ZDHHC21: variants seen among roughly 807,000 people sequenced by gnomAD.
ZDHHC21 encodes palmitoyltransferase ZDHHC21.
A neutral mutation model predicts 34.6 loss-of-function variants in ZDHHC21; 15 were observed. The ratio of observed to expected loss-of-function variants is 0.43; its 90% CI spans 0.29 to 0.67. ZDHHC21 has a LOEUF of 0.67. Among genes scored for constraint, ZDHHC21 ranks in the 30% least tolerant of loss-of-function variants. The probability of loss-of-function intolerance (pLI) is 0.14; values close to 1 mark genes in which losing one functional copy is unlikely to be tolerated. For missense variants in ZDHHC21, 344 were observed against 327.7 expected (o/e 1.05, Z -0.38); for synonymous variants, 142 against 101.8 (o/e 1.40, Z -2.38).
chr9:14,682,049 A>G (rs1360161728), intron 2 of ZDHHC21, among the ~76,000 whole-genome samples: 3 of 152,186 alleles, frequency 2.0e-5, no homozygotes, highest in African/African-American at 4.8e-5. Flanking sequence ...AGCATTAAAC[A>G]TGGAAAGGAA....
the ZDHHC21 span, chr9:14,594,182 G>A: frequency 3.3e-5 from 5 of 152,062 alleles, no homozygotes; most frequent in East Asian, 1.9e-4. Context: ...ACCTGGTCAC[G>A]GTGCAATGGG....
chr9:14,657,290 T>C (rs1832422735), intron 7 of ZDHHC21, among the ~76,000 whole-genome samples: 1 of 152,110 alleles, frequency 6.6e-6, no homozygotes. Flanking sequence ...TAAAATCAAA[T>C]GTAACATAAA....
chr9:14,660,016 A>C (rs1044272275), intron 6 of ZDHHC21, among the ~76,000 whole-genome samples: 9 of 152,178 alleles, frequency 5.9e-5, no homozygotes, highest in Admixed American at 6.5e-5. Flanking sequence ...CAGCTTTAAG[A>C]AGCACTAAGG....
intron 2 of ZDHHC21, among the ~76,000 whole-genome samples, chr9:14,680,623 T>C (rs1235117183): frequency 6.6e-6 from 1 of 152,274 alleles, no homozygotes; most frequent in African/African-American, 2.4e-5. Context: ...AGTCAGTTTC[T>C]ACAATTCAAG....
At chr9:14,663,612 T>A (rs1181581250) in intron 5 of ZDHHC21, among the ~76,000 whole-genome samples, 1 of 151,792 alleles carries the variant, frequency 6.6e-6, no homozygotes, top group Non-Finnish European at 1.5e-5. Context: ...AGGAGCAACA[T>A]CAACATGCTG....
At chr9:14,648,975 A>G (rs543462415) in intron 7 of ZDHHC21, among the ~76,000 whole-genome samples, 4 of 151,842 alleles carry the variant, frequency 2.6e-5, no homozygotes, top group Admixed American at 2.6e-4. Flanking sequence ...CCTACTGAAC[A>G]GTTTCTCAAC....
At chr9:14,649,133 A>C (rs1002294363) in intron 7 of ZDHHC21, among the ~76,000 whole-genome samples, 1 of 152,046 alleles carries the variant, frequency 6.6e-6, no homozygotes, top group Non-Finnish European at 1.5e-5. Flanking sequence ...ATCTCCAGAC[A>C]TTACCAAATG....
At chr9:14,604,210 G>C in the ZDHHC21 span, among the ~76,000 whole-genome samples, 29 of 152,116 alleles carry the variant, frequency 1.9e-4, no homozygotes, top group African/African-American at 6.3e-4. Flanking sequence ...TTTTACAGTT[G>C]AAGATGCACA....
At chr9:14,654,744 T>G (rs112723802) in intron 7 of ZDHHC21, among the ~76,000 whole-genome samples, 1,769 of 152,024 alleles carry the variant, frequency 0.012, 16 homozygotes, top group Middle Eastern at 0.024. Flanking sequence ...GATTTAAGGG[T>G]AGGTTAGACA....
In ZDHHC21 at chr9:14,619,648, C is replaced by T; in HGVS notation, c.656G>A (p.Cys219Tyr). 1 of 1,414,998 alleles carries T rather than the reference C, an allele frequency of 7.1e-7. No individual in the cohort carries two copies. The highest frequency in any genetic ancestry group is 9.7e-7 in the Non-Finnish European group (1 of 1,029,872). The allele number at this position is 1,414,998 out of a possible 1,614,324, so 87.7% of individuals were successfully genotyped here. A position where few individuals can be genotyped will look rare whatever the true frequency, so the allele number is the denominator to read the frequency against. Residue 219 changes from cysteine to tyrosine, a missense_variant, in exon 9 of 10, where the codon TGT (cysteine) becomes TAT (tyrosine). Cys to Tyr is a radical substitution (Grantham distance 194). Coordinates refer to ENST00000380916, the MANE Select transcript of ZDHHC21 (RefSeq NM_178566.6). Reference protein sequence around the residue: ...TTSIEKMSNCCEDISRPRKPW... With the variant: ...TTSIEKMSNCYEDISRPRKPW... ...TCAGTTTTATACTTACATATCTTCA[C>T]AACAGTTTGACATCTTTTCAATAGA...
intron 8 of ZDHHC21, among the ~76,000 whole-genome samples, chr9:14,635,153 A>T (rs1342140254): frequency 6.6e-6 from 1 of 152,186 alleles, no homozygotes; most frequent in East Asian, 1.9e-4. Context: ...AAAAGCATTT[A>T]AAAAAAGAAC....
chr9:14,650,851 T>C (rs1831124257), intron 7 of ZDHHC21, among the ~76,000 whole-genome samples: 2 of 151,980 alleles, frequency 1.3e-5, no homozygotes, highest in African/African-American at 4.8e-5. Flanking sequence ...ATTTCCTTTA[T>C]TGAAATTCTC....
intron 2 of ZDHHC21, among the ~76,000 whole-genome samples, chr9:14,680,531 A>G (rs1037799454): frequency 3.9e-5 from 6 of 152,190 alleles, no homozygotes; most frequent in African/African-American, 1.4e-4. Flanking sequence ...GTTCATAAAC[A>G]GCTTAAAATG....
rs559449378 is a variant in ZDHHC21 at position 14,616,922 on chromosome 9, G to A, written c.*2044C>T. 2.1e-4 allele frequency: 32 copies of A among 151,936 alleles called. No individual in the cohort carries two copies. Among genetic ancestry groups the A allele is most frequent in the African/African-American group, 7.2e-4 (30 of 41,518 alleles). The allele number at this position is 151,936 out of a possible 1,614,324, so 9.4% of individuals were successfully genotyped here. On this transcript the variant is annotated 3_prime_UTR_variant, in exon 10 of 10. Coordinates refer to ENST00000380916, the MANE Select transcript of ZDHHC21 (RefSeq NM_178566.6). ...GATGAGGTAAATCTAGGAAAAATAA[G>A]AGCACAAATCATCAGAGTGGGAAAG...
the ZDHHC21 span, among the ~76,000 whole-genome samples, chr9:14,596,976 T>G: frequency 6.6e-6 from 1 of 152,068 alleles, no homozygotes; most frequent in Non-Finnish European, 1.5e-5. Flanking sequence ...CAGGAGAAAC[T>G]TTCCAGTGCC....
intron 8 of ZDHHC21, among the ~76,000 whole-genome samples, chr9:14,623,669 A>C (rs899662625): frequency 4.6e-5 from 7 of 151,812 alleles, no homozygotes; most frequent in Non-Finnish European, 8.8e-5. Flanking sequence ...AAGAGAGAGA[A>C]AACAAAAAAA....
At chr9:14,624,984 T>C (rs1393317238) in intron 8 of ZDHHC21, among the ~76,000 whole-genome samples, 1 of 152,074 alleles carries the variant, frequency 6.6e-6, no homozygotes, top group East Asian at 1.9e-4. Context: ...TTTTTCACAA[T>C]TAGAGAAAAA....
At chr9:14,674,739 C>CA (rs1334966706) in intron 3 of ZDHHC21, among the ~76,000 whole-genome samples, 4 of 151,986 alleles carry the variant, frequency 2.6e-5, no homozygotes, top group Non-Finnish European at 5.9e-5. Flanking sequence ...AATGAATACA[C>CA]GTGTCCACCA....
chr9:14,622,631 C>A, intron 8 of ZDHHC21: 8 of 985,106 alleles, frequency 8.1e-6, no homozygotes, highest in Non-Finnish European at 9.6e-6. Flanking sequence ...CACCAAGCAA[C>A]ACTTTGCCAC....
Sources: gnomAD v4.1 joint callset for allele counts (sites outside exome capture counted in the v4.1 genomes callset) on GRCh38, gnomAD v4.1.1 for gene constraint, MANE v1.5 for transcripts, NCBI Gene and HGNC (gene_info 2026-07-23, HGNC 2026-07-21) for gene names.